MAP3K13: variants seen among roughly 807,000 people sequenced by gnomAD.
MAP3K13 encodes the protein mitogen-activated protein kinase kinase kinase 13, also known as leucine zipper-bearing kinase.
MAP3K13 carries 52 observed loss-of-function variants against 104.0 expected under a neutral mutation model. The observed-to-expected ratio is 0.50, with a 90% CI of 0.40 to 0.63. The LOEUF is 0.63. MAP3K13 is among the 20% of genes least tolerant of loss of function. The pLI is 0.00. For synonymous variants in MAP3K13, 394 were observed against 442.2 expected (o/e 0.89, Z 1.37); for missense variants, 914 against 1,218.5 (o/e 0.75, Z 3.72).
Position 185,447,891 on chromosome 3 carries a change from A to G in MAP3K13, c.954A>G (p.Ala318=), listed in dbSNP as rs56013872. Residue 318 remains alanine, a synonymous_variant, in exon 5 of 14, where the codon GCA becomes GCG. Coordinates refer to ENST00000265026, the MANE Select transcript of MAP3K13 (RefSeq NM_004721.5). ...STKMSFAGTV[A]WMAPEVIRNE... ...AGATGTCATTTGCTGGCACGGTCGC[A>G]TGGATGGCGCCAGAGGTGATACGGA... 760 of 1,614,134 alleles carry G rather than the reference A, an allele frequency of 4.7e-4. 3 individuals carry two copies. The African/African-American group carries it at 9.5e-3, about 20-fold the overall frequency.
intron 1 of MAP3K13, among the ~76,000 whole-genome samples, chr3:185,377,677 GGTAATGT>G (rs1237611944): frequency 6.6e-6 from 1 of 151,578 alleles, no homozygotes; most frequent in Non-Finnish European, 1.5e-5. Flanking sequence ...TTCAAAAGAA[GGTAATGT>G]GGAGTAGGTA....
chr3:185,336,204 A>G (rs1722493504), intron 2 of MAP3K13, among the ~76,000 whole-genome samples: 1 of 152,130 alleles, frequency 6.6e-6, no homozygotes, highest in Admixed American at 6.6e-5. Flanking sequence ...AATAAATCTC[A>G]AAAAGAAGTC....
intron 2 of MAP3K13, among the ~76,000 whole-genome samples, chr3:185,435,371 G>A (rs775049421): frequency 3.3e-5 from 5 of 152,034 alleles, no homozygotes; most frequent in Non-Finnish European, 5.9e-5. Context: ...ATATGCCATC[G>A]ATATCTGTGT....
intron 2 of MAP3K13, among the ~76,000 whole-genome samples, chr3:185,347,735 G>A (rs575496053): frequency 2.6e-5 from 4 of 152,288 alleles, no homozygotes; most frequent in South Asian, 2.1e-4. Flanking sequence ...GTAGCCAGGC[G>A]TAGTGGCGCA....
chr3:185,307,541 A>G (rs1252909410), intron 2 of MAP3K13, among the ~76,000 whole-genome samples: 4 of 71,104 alleles, frequency 5.6e-5, no homozygotes, highest in African/African-American at 6.2e-5. Context: ...TTGGTGCACC[A>G]CCCCCTCCCC....
intron 1 of MAP3K13, among the ~76,000 whole-genome samples, chr3:185,368,076 G>C (rs1271844537): frequency 1.3e-5 from 2 of 152,168 alleles, no homozygotes; most frequent in Admixed American, 1.3e-4. Context: ...CATGAGAACT[G>C]CTTGAACCCA....
intron 3 of MAP3K13, among the ~76,000 whole-genome samples, chr3:185,442,790 C>G (rs1715397325): frequency 6.6e-6 from 1 of 152,050 alleles, no homozygotes; most frequent in Non-Finnish European, 1.5e-5. Context: ...GCCTCAGACT[C>G]CCAAAGTGTT....
At chr3:185,378,871 T>C (rs1320505133) in intron 1 of MAP3K13, among the ~76,000 whole-genome samples, 1 of 152,168 alleles carries the variant, frequency 6.6e-6, no homozygotes, top group East Asian at 1.9e-4. Flanking sequence ...TTTCTGGCCA[T>C]TTAGAACCAT....
At chr3:185,383,809 G>T (rs984325832) in intron 1 of MAP3K13, among the ~76,000 whole-genome samples, 2 of 151,988 alleles carry the variant, frequency 1.3e-5, no homozygotes, top group African/African-American at 2.4e-5. Flanking sequence ...TATACCAATA[G>T]TTTTTAAAAT....
chr3:185,463,389 G>A (rs1278043506), intron 7 of MAP3K13, among the ~76,000 whole-genome samples, 161 bp from the exon 8 acceptor site: 1 of 152,128 alleles, frequency 6.6e-6, no homozygotes, highest in East Asian at 1.9e-4. Flanking sequence ...AGTAGCAGGA[G>A]ATATTTTGCT....
intron 7 of MAP3K13, among the ~76,000 whole-genome samples, chr3:185,454,304 TATATATATGAG>T (rs1233741489): frequency 0.03 from 2,791 of 91,936 alleles, 971 homozygotes; most frequent in African/African-American, 0.072. Context: ...ATATATATCA[TATATATATGAG>T]ATATATATGA....
intron 3 of MAP3K13, among the ~76,000 whole-genome samples, chr3:185,442,038 C>CAAAAA (rs749288252): frequency 4.7e-5 from 5 of 107,468 alleles, no homozygotes; most frequent in Admixed American, 3.0e-4. Context: ...GACTCTGTCT[C>CAAAAA]AAAAAAAAAA....
At chr3:185,425,142 G>A (rs1393041903) in intron 1 of MAP3K13, among the ~76,000 whole-genome samples, 2 of 152,130 alleles carry the variant, frequency 1.3e-5, no homozygotes, top group Non-Finnish European at 2.9e-5. Flanking sequence ...TGTGATAAAT[G>A]AGCCCCATCT....
chr3:185,292,611 A>G (rs1444303467), intron 2 of MAP3K13: 9 of 973,762 alleles, frequency 9.2e-6, no homozygotes, highest in African/African-American at 7.0e-5. Context: ...TATAAAATGT[A>G]TAATACAGAC....
At chr3:185,451,472 G>T in intron 7 of MAP3K13, 77 bp downstream of exon 7, 1 of 923,474 alleles carries the variant, frequency 1.1e-6, no homozygotes, top group Non-Finnish European at 1.8e-6. Context: ...CTCTTAGAAG[G>T]GCCCATTGTG....
At chr3:185,290,180 T>A (rs1027358310) in intron 2 of MAP3K13, among the ~76,000 whole-genome samples, 1 of 152,132 alleles carries the variant, frequency 6.6e-6, no homozygotes, top group Non-Finnish European at 1.5e-5. Context: ...AGTTTTAGCG[T>A]AAGTTCAATA....
chr3:185,424,427 C>G (rs1158254583), intron 1 of MAP3K13, among the ~76,000 whole-genome samples: 2 of 152,268 alleles, frequency 1.3e-5, no homozygotes, highest in Non-Finnish European at 2.9e-5. Flanking sequence ...AATTCCTGCT[C>G]TATTACTTAC....
At chr3:185,474,083 G>C (rs1460901043) in intron 11 of MAP3K13, among the ~76,000 whole-genome samples, 1 of 152,168 alleles carries the variant, frequency 6.6e-6, no homozygotes, top group African/African-American at 2.4e-5. Flanking sequence ...AGCAATTTGG[G>C]AGGCCAAGGC....
intron 9 of MAP3K13, 83 bp from the exon 10 acceptor site, chr3:185,466,743 T>C: frequency 6.7e-7 from 1 of 1,482,800 alleles, no homozygotes; most frequent in East Asian, 2.3e-5. Flanking sequence ...GCAGAATCTG[T>C]GGTAGAATTA....
Sources: allele counts gnomAD v4.1 joint callset (sites outside exome capture counted in the v4.1 genomes callset), GRCh38; gene constraint gnomAD v4.1.1; transcripts MANE v1.5; gene names NCBI Gene and HGNC (gene_info 2026-07-23, HGNC 2026-07-21).